SPEF2: variants seen among roughly 807,000 people sequenced by gnomAD.
SPEF2 encodes sperm flagellar and cilia associated 2.
A neutral mutation model predicts 224.6 loss-of-function variants in SPEF2; 187 were observed. The ratio of observed to expected loss-of-function variants is 0.83; its 90% CI spans 0.74 to 0.94. The LOEUF (loss-of-function observed/expected upper bound fraction) is 0.94, where lower values mean the gene tolerates loss of function less well. Ranked by LOEUF, SPEF2 falls within the 40% of genes least tolerant of loss-of-function variation. The pLI is 0.00. For synonymous variants in SPEF2, 715 were observed against 707.3 expected (o/e 1.01, Z -0.17); for missense variants, 2,170 against 2,135.6 (o/e 1.02, Z -0.32).
intron 23 of SPEF2, among the ~76,000 whole-genome samples, chr5:35,745,112 C>G (rs1748278376): frequency 6.6e-6 from 1 of 152,178 alleles, no homozygotes; most frequent in African/African-American, 2.4e-5. Context: ...GGAGCTGAGT[C>G]AATTTAGAGA....
intron 25 of SPEF2, among the ~76,000 whole-genome samples, chr5:35,761,330 A>T (rs1354423169): frequency 2.0e-5 from 3 of 152,226 alleles, no homozygotes; most frequent in Non-Finnish European, 1.5e-5. Context: ...TGTGAAGATT[A>T]TGGAAAATAA....
At chr5:35,667,909 A>G (rs1427075680) in intron 9 of SPEF2, among the ~76,000 whole-genome samples, 4 of 152,166 alleles carry the variant, frequency 2.6e-5, no homozygotes, top group African/African-American at 9.6e-5. Flanking sequence ...ACAAGTAAAA[A>G]AATTCACCCT....
intron 9 of SPEF2, among the ~76,000 whole-genome samples, 171 bp downstream of exon 9, chr5:35,667,430 A>T (rs560427121): frequency 6.6e-6 from 1 of 152,248 alleles, no homozygotes; most frequent in Admixed American, 6.6e-5. Flanking sequence ...CTCACTGACT[A>T]TTTTTATTTA....
At chr5:35,653,551 A>G (rs745526430) in intron 6 of SPEF2, among the ~76,000 whole-genome samples, 56 of 152,120 alleles carry the variant, frequency 3.7e-4, no homozygotes, top group Non-Finnish European at 6.5e-4. Flanking sequence ...TTGGGTTATC[A>G]ATAGTCTGCC....
intron 23 of SPEF2, among the ~76,000 whole-genome samples, 179 bp from the exon 24 acceptor site, chr5:35,753,445 G>C (rs1041687230): frequency 6.6e-6 from 1 of 152,196 alleles, no homozygotes; most frequent in African/African-American, 2.4e-5. Context: ...GTAAGGGACT[G>C]ACAGAAGAGA....
At chr5:35,644,309 C>A in intron 3 of SPEF2, 46 bp from the exon 4 acceptor site, 1 of 1,389,278 alleles carries the variant, frequency 7.2e-7, no homozygotes, top group Non-Finnish European at 9.5e-7. Flanking sequence ...TGAAAATGTA[C>A]TCTTTATTCT....
intron 33 of SPEF2, among the ~76,000 whole-genome samples, chr5:35,797,129 A>G (rs933217072): frequency 6.6e-6 from 1 of 152,204 alleles, no homozygotes; most frequent in African/African-American, 2.4e-5. Context: ...AGAAATGTCA[A>G]TCAAAGGCAG....
chr5:35,784,849 G>A (rs1217662903), intron 30 of SPEF2, among the ~76,000 whole-genome samples: 2 of 152,064 alleles, frequency 1.3e-5, no homozygotes, highest in Non-Finnish European at 2.9e-5. Context: ...GCAGGGAAGA[G>A]GCTATATGTG....
At chr5:35,782,252 G>C (rs1388764905) in intron 30 of SPEF2, among the ~76,000 whole-genome samples, 1 of 152,178 alleles carries the variant, frequency 6.6e-6, no homozygotes, top group African/African-American at 2.4e-5. Flanking sequence ...GTGATAGCAG[G>C]TTTGAAAGTG....
chr5:35,737,607 C>CT (rs1561284347), intron 21 of SPEF2, among the ~76,000 whole-genome samples: 3 of 152,098 alleles, frequency 2.0e-5, no homozygotes, highest in African/African-American at 7.2e-5. Context: ...TTAATCCAGT[C>CT]TATCATTGTT....
At chr5:35,744,981 TGCG>T (rs147872560) in intron 23 of SPEF2, among the ~76,000 whole-genome samples, 3,048 of 152,232 alleles carry the variant, frequency 0.02, 74 homozygotes, top group South Asian at 0.054. Context: ...AGTGCCCTAG[TGCG>T]GCAGTGGGAA....
intron 30 of SPEF2, chr5:35,789,235 T>A: frequency 4.3e-6 from 3 of 703,050 alleles, no homozygotes; most frequent in Non-Finnish European, 7.8e-6. Context: ...CTGACATTGT[T>A]AAATTTGCCC....
At chr5:35,749,843 T>TA (rs1407568895) in intron 23 of SPEF2, among the ~76,000 whole-genome samples, 1 of 151,942 alleles carries the variant, frequency 6.6e-6, no homozygotes, top group Non-Finnish European at 1.5e-5. Context: ...CAGAGAATTA[T>TA]AAAAAACAAT....
intron 23 of SPEF2, among the ~76,000 whole-genome samples, chr5:35,751,056 CGTATAT>C (rs1749467093): frequency 2.4e-4 from 7 of 28,590 alleles, no homozygotes; most frequent in South Asian, 2.0e-3. Flanking sequence ...TATATATATA[CGTATAT>C]ATATGTATAT....
In SPEF2 at chr5:35,705,796, A is replaced by T; in HGVS notation, c.2653A>T (p.Lys885Ter). The T allele has an allele frequency of 1.3e-6, 2 of 1,483,778 alleles. No individual in the cohort carries two copies. The highest frequency in any genetic ancestry group is 1.8e-6 in the Non-Finnish European group (2 of 1,092,026). The allele number at this position is 1,483,778 out of a possible 1,614,324, so 91.9% of individuals were successfully genotyped here. A position where few individuals can be genotyped will look rare whatever the true frequency, so the allele number is the denominator to read the frequency against. Residue 885 changes from lysine to a stop codon, truncating the protein, a stop_gained, in exon 18 of 37, where the codon AAA becomes TAA. Transcript: ENST00000356031. LOFTEE classifies it high-confidence loss of function. ...AATTCTTACGACTGAAATAGCAAAA[A>T]AAAAGAATAAAGGTATTTACATTTG... is the stretch of plus-strand genomic sequence containing the variant. Reference protein sequence around the residue: ...KEILTTEIAKKKNKVEKKLEE... With the variant: ...KEILTTEIAK
At chr5:35,706,430 T>G (rs1182068268) in intron 18 of SPEF2, among the ~76,000 whole-genome samples, 1 of 152,048 alleles carries the variant, frequency 6.6e-6, no homozygotes, top group Non-Finnish European at 1.5e-5. Context: ...CACTAACTTT[T>G]TATACTATTA....
chr5:35,624,697 C>T (rs937012584), intron 1 of SPEF2, among the ~76,000 whole-genome samples: 39 of 152,176 alleles, frequency 2.6e-4, no homozygotes, highest in African/African-American at 8.9e-4. Flanking sequence ...AGTGCAGTGG[C>T]GCAATCTCAA....
At chr5:35,670,973 CTCTCCCCATCCCACTCCA>C in intron 10 of SPEF2, 4 of 985,368 alleles carry the variant, frequency 4.1e-6, no homozygotes, top group Non-Finnish European at 4.8e-6. Context: ...CACCATCCTA[CTCTCCCCATCCCACTCCA>C]TCTCACCCTT....
At position 35,800,104 on chromosome 5, in the gene SPEF2, A is replaced by G; in HGVS notation, c.4967A>G (p.His1656Arg). The G allele has an allele frequency of 1.9e-6, 3 of 1,614,156 alleles. No individual in the cohort carries two copies. Among genetic ancestry groups the G allele is most frequent in the East Asian group, 2.2e-5 (1 of 44,876 alleles). Residue 1656 changes from histidine to arginine, a missense_variant, in exon 34 of 37, where the codon CAT (histidine) becomes CGT (arginine). His to Arg is a conservative substitution (Grantham distance 29). Transcript: ENST00000356031. Reference sequence around the variant, plus strand: ...GCCCTCAGTGTGGCTGTTGGAACTCATGTCTTCCAACAAGTCAAAGCTTCC... The same window carrying G: ...GCCCTCAGTGTGGCTGTTGGAACTCGTGTCTTCCAACAAGTCAAAGCTTCC... ...YRALSVAVGT[H>R]VFQQVKASIP...
Sources: allele counts gnomAD v4.1 joint callset (sites outside exome capture counted in the v4.1 genomes callset), GRCh38; gene constraint gnomAD v4.1.1; transcripts MANE v1.5; gene names NCBI Gene and HGNC (gene_info 2026-07-23, HGNC 2026-07-21).